The following SERF2 variants were observed in gnomAD, a reference collection of about 807,000 sequenced individuals.
SERF2 encodes small EDRK-rich factor 2, also known as gastric cancer-related protein VRG107.
SERF2 carries 4 observed loss-of-function variants against 10.7 expected under a neutral mutation model. The observed-to-expected ratio is 0.37, with a 90% CI of 0.18 to 0.86. SERF2 has a LOEUF of 0.86. Ranked by LOEUF, SERF2 falls within the 40% of genes least tolerant of loss-of-function variation. SERF2 has a pLI of 0.43. For missense variants in SERF2, 47 were observed against 79.1 expected (o/e 0.59, Z 1.54); for synonymous variants, 26 against 26.0 (o/e 1.00, Z 0.01).
At chr15:43,785,122 G>A (rs927730567) in intron 1 of SERF2, among the ~76,000 whole-genome samples, 1 of 147,878 alleles carries the variant, frequency 6.8e-6, no homozygotes, top group African/African-American at 2.5e-5. Flanking sequence ...AGGCTGGAGT[G>A]CAGTGGAGCA....
chr15:43,792,653 C>T (rs1178918614), intron 1 of SERF2: 2 of 1,372,986 alleles, frequency 1.5e-6, no homozygotes, highest in East Asian at 2.6e-5. Flanking sequence ...CCCAGAGCCC[C>T]CACTCCACAA....
At chr15:43,780,023 T>C (rs1259527526) in intron 1 of SERF2, among the ~76,000 whole-genome samples, 5 of 152,222 alleles carry the variant, frequency 3.3e-5, no homozygotes, top group African/African-American at 1.2e-4. Context: ...AGATCTTTAA[T>C]ACATTGATAA....
chr15:43,793,324 C>G (rs979581731), intron 2 of SERF2: 5 of 576,896 alleles, frequency 8.7e-6, no homozygotes, highest in Non-Finnish European at 9.2e-6. Context: ...TGGGTCTGAC[C>G]TTAAGGGCAA....
chr15:43,777,960 A>T (rs906295799), intron 1 of SERF2: 2 of 128,332 alleles, frequency 1.6e-5, no homozygotes, highest in Non-Finnish European at 3.2e-5. Context: ...TAAAAAAAAA[A>T]TACATTTTTT....
Position 43,792,383 on chromosome 15 carries a change from C to T in SERF2, c.7C>T (p.Arg3Cys). 6.2e-7 allele frequency: 1 copy of T among 1,613,726 alleles called. No individual in the cohort carries two copies. The highest frequency in any genetic ancestry group is 8.5e-7 in the Non-Finnish European group (1 of 1,179,642). The change falls in exon 1 of 3, where the codon CGC becomes TGC. Residue 3 changes from arginine to cysteine, a missense_variant and splice_region_variant. Transcript: ENST00000249786. MT[R>C]GNQRELARQK... ...TGGAGCCGCTGCCGTCGCCATGACC[C>T]GTGAGCACCGAGCCCCCTTCTCCTT...
At chr15:43,792,162 G>C (rs542730796), upstream of SERF2, 99 of 589,040 alleles carry the variant, frequency 1.7e-4, no homozygotes, top group Admixed American at 1.6e-3. Flanking sequence ...CACGCTGAGC[G>C]CTCCGCCTGC....
rs1002691442 is a variant in SERF2 at position 43,794,588 on chromosome 15, G to A, written c.*815G>A. 5.8e-6 allele frequency: 1 copy of A among 172,774 alleles called. No homozygotes were observed. The highest frequency in any genetic ancestry group is 2.4e-5 in the African/African-American group (1 of 41,876). 10.7% of individuals were successfully genotyped at this position (172,774 alleles called of 1,614,324 possible). A position where few individuals can be genotyped will look rare whatever the true frequency, so the allele number is the denominator to read the frequency against. On this transcript the variant is annotated 3_prime_UTR_variant, in exon 3 of 3. Transcript: ENST00000249786. ...TGCCCTGGTTTGTTCTGTGGTTCTG[G>A]GCTTCTTATATCCGTGTGCCCAGGG...
chr15:43,778,561 C>T (rs370538950), intron 1 of SERF2, among the ~76,000 whole-genome samples: 7 of 100,842 alleles, frequency 6.9e-5, no homozygotes, highest in South Asian at 7.1e-4. Flanking sequence ...AAAGGCCAGG[C>T]GCGCTGGCAG....
rs2141686301 is a variant in SERF2, at chr15:43,794,905, T to C, written c.*1132T>C. 2 of 923,048 alleles carry C rather than the reference T, an allele frequency of 2.2e-6. No homozygotes were observed. Among genetic ancestry groups the C allele is most frequent in the Non-Finnish European group, 3.3e-6 (2 of 601,992 alleles). 57.2% of individuals were successfully genotyped at this position (923,048 alleles called of 1,614,324 possible). A position where few individuals can be genotyped will look rare whatever the true frequency, so the allele number is the denominator to read the frequency against. The stretch of plus-strand genomic sequence containing the variant: ...TTCAGCCCAAACGGAGATAACTCCC[T>C]GTGTGTCCTTGAGGTATTGAGCTGG... On this transcript the variant is annotated 3_prime_UTR_variant, in exon 3 of 3. Transcript: ENST00000249786.
At chr15:43,785,103 C>T (rs564046633) in intron 1 of SERF2, among the ~76,000 whole-genome samples, 14 of 147,594 alleles carry the variant, frequency 9.5e-5, no homozygotes, top group South Asian at 8.7e-4. Flanking sequence ...GAGTCTCACT[C>T]TGCTGCCCAG....
At chr15:43,789,823 C>T (rs912308058), upstream of SERF2, among the ~76,000 whole-genome samples, 1 of 151,892 alleles carries the variant, frequency 6.6e-6, no homozygotes, top group Admixed American at 6.6e-5. Context: ...GCCTGGCCAA[C>T]ATGGTGAAAC....
upstream of SERF2, among the ~76,000 whole-genome samples, chr15:43,789,859 G>A (rs2141674629): frequency 6.6e-6 from 1 of 151,924 alleles, no homozygotes; most frequent in African/African-American, 2.4e-5. Context: ...AAAAAATACA[G>A]TCCGAGCACA....
chr15:43,795,162 G>A lies in SERF2; in HGVS notation c.*1389G>A, dbSNP rs138021432. The A allele has an allele frequency of 1.1e-5, 18 of 1,614,026 alleles. No individual in the cohort carries two copies. Among genetic ancestry groups the A allele is most frequent in the Non-Finnish European group, 1.4e-5 (17 of 1,180,042 alleles). ...AGCATGAGGCAACCTTGACCCAGAA[G>A]GTGGCCCAGCTACCCTTGATGAAGG... On this transcript the variant is annotated 3_prime_UTR_variant, in exon 3 of 3. Transcript: ENST00000249786.
At chr15:43,777,961 TAC>T (rs1368720147) in intron 1 of SERF2, 1 of 117,372 alleles carries the variant, frequency 8.5e-6, no homozygotes, top group African/African-American at 3.0e-5. Context: ...AAAAAAAAAA[TAC>T]ATTTTTTTTT....
At position 43,796,066 on chromosome 15, in the gene SERF2, G is replaced by C; in HGVS notation, c.*2293G>C. 1 of 955,874 alleles carries C rather than the reference G, an allele frequency of 1.0e-6. No individual in the cohort carries two copies. Among genetic ancestry groups the C allele is most frequent in the South Asian group, 1.3e-5 (1 of 74,446 alleles). The allele number at this position is 955,874 out of a possible 1,614,324, so 59.2% of individuals were successfully genotyped here. A position where few individuals can be genotyped will look rare whatever the true frequency, so the allele number is the denominator to read the frequency against. On this transcript the variant is annotated 3_prime_UTR_variant, in exon 3 of 3. Transcript: ENST00000249786. ...TAAAAGGTAACAGCAGCTATAATCTGAGCATTCTGGGTAGAGGTTGGTAGG... is the reference window on the plus strand; with the variant it reads ...TAAAAGGTAACAGCAGCTATAATCTCAGCATTCTGGGTAGAGGTTGGTAGG...
intron 1 of SERF2, 86 bp from the exon 2 acceptor site, chr15:43,792,889 C>T (rs970464186): frequency 4.1e-5 from 40 of 976,672 alleles, no homozygotes; most frequent in Non-Finnish European, 5.6e-5. Context: ...GTGTTGGATC[C>T]TGCTGCTGGC....
chr15:43,782,611 A>G (rs2086973005), intron 1 of SERF2, among the ~76,000 whole-genome samples: 1 of 152,154 alleles, frequency 6.6e-6, no homozygotes, highest in Admixed American at 6.5e-5. Context: ...ATTGTTCTCT[A>G]GGTCGGCTGC....
At chr15:43,787,200 C>T (rs1024582380) in intron 2 of SERF2, among the ~76,000 whole-genome samples, 8 of 151,922 alleles carry the variant, frequency 5.3e-5, no homozygotes, top group African/African-American at 1.9e-4. Flanking sequence ...GGGGTTTCAC[C>T]GTGTTAGCCA....
Position 43,793,729 on chromosome 15 carries a change from C to T in SERF2, c.136C>T (p.Gln46Ter). ...RKQRDSEIMQQKQKKANEKKE... is the reference protein window; with the variant it reads ...RKQRDSEIMQ ...CCCCAGGGACTCGGAGATCATGCAG[C>T]AGAAGCAGAAAAAGGCAAACGAGAA... The change falls in exon 3 of 3, where the codon CAG becomes TAG. Residue 46 changes from glutamine to a stop codon, truncating the protein, a stop_gained. Transcript: ENST00000249786. LOFTEE classifies it high-confidence loss of function. 1 of 1,614,218 alleles carries T rather than the reference C, an allele frequency of 6.2e-7. No individual in the cohort carries two copies. The highest frequency in any genetic ancestry group is 8.5e-7 in the Non-Finnish European group (1 of 1,180,030).
Sources: allele counts gnomAD v4.1 joint callset (sites outside exome capture counted in the v4.1 genomes callset), GRCh38; gene constraint gnomAD v4.1.1; transcripts MANE v1.5; gene names NCBI Gene and HGNC (gene_info 2026-07-23, HGNC 2026-07-21).